MTDH: variants seen among roughly 807,000 people sequenced by gnomAD.
MTDH encodes the protein protein LYRIC.
A neutral mutation model predicts 72.7 loss-of-function variants in MTDH; 34 were observed. The ratio of observed to expected loss-of-function variants is 0.47; its 90% CI spans 0.36 to 0.62. The LOEUF is 0.62. Among genes scored for constraint, MTDH ranks in the 20% least tolerant of loss-of-function variants. The probability of loss-of-function intolerance (pLI) is 0.00; values close to 1 mark genes in which losing one functional copy is unlikely to be tolerated. For missense variants in MTDH, 677 were observed against 699.4 expected (o/e 0.97, Z 0.36); for synonymous variants, 266 against 268.9 (o/e 0.99, Z 0.10).
Position 97,644,432 on chromosome 8 carries a change from C to T in MTDH, c.-75C>T. ...CTGAGGTTACCCGGCCCGGCCCTTCCTCGCTTCCCTCGACTATTCCACTGC... is the reference window on the plus strand; with the variant it reads ...CTGAGGTTACCCGGCCCGGCCCTTCTTCGCTTCCCTCGACTATTCCACTGC... On this transcript the variant is annotated 5_prime_UTR_variant, in exon 1 of 12. Transcript: ENST00000336273. 2 of 1,492,478 alleles carry T rather than the reference C, an allele frequency of 1.3e-6. No individual in the cohort carries two copies. Among genetic ancestry groups the T allele is most frequent in the South Asian group, 1.2e-5 (1 of 80,072 alleles). 92.5% of individuals were successfully genotyped at this position (1,492,478 alleles called of 1,614,324 possible).
At chr8:97,718,112 C>G (rs1019881143) in intron 9 of MTDH, among the ~76,000 whole-genome samples, 1 of 150,586 alleles carries the variant, frequency 6.6e-6, no homozygotes, top group Non-Finnish European at 1.5e-5. Flanking sequence ...AGTGCAGTGG[C>G]GAGATCTGCA....
At chr8:97,683,430 C>T (rs1022779328) in intron 2 of MTDH, among the ~76,000 whole-genome samples, 6 of 151,910 alleles carry the variant, frequency 3.9e-5, no homozygotes, top group African/African-American at 1.2e-4. Flanking sequence ...GGGTCTCACC[C>T]CGTTACCCAG....
In MTDH at chr8:97,729,202, C is replaced by A. The variant is rs1298789815; in HGVS notation, c.*4532C>A. ...TTGGCCTCCCAAAGTGCTGGTGTTA[C>A]AGGTGTGAGCCACCACACCTGGCCA... On this transcript the variant is annotated 3_prime_UTR_variant, in exon 12 of 12. Transcript: ENST00000336273. Among the ~76,000 whole-genome samples the A allele has an allele frequency of 6.6e-6, 1 of 151,442 alleles. No individual in the cohort carries two copies. The highest frequency in any genetic ancestry group is 2.4e-5 in the African/African-American group (1 of 41,178).
intron 8 of MTDH, among the ~76,000 whole-genome samples, chr8:97,712,183 G>T (rs935558858): frequency 6.6e-6 from 1 of 152,010 alleles, no homozygotes; most frequent in Non-Finnish European, 1.5e-5. Context: ...GATTACAGGC[G>T]CATGCCACCA....
Position 97,661,170 on chromosome 8 carries a change from A to C in MTDH, c.480A>C (p.Glu160Asp), listed in dbSNP as rs763351626. The C allele has an allele frequency of 1.4e-5, 22 of 1,608,158 alleles. No individual in the cohort carries two copies. In the East Asian group the frequency reaches 4.2e-4, roughly 31 times the overall value. The change falls in exon 2 of 12, where the codon GAA becomes GAC. Residue 160 changes from glutamate to aspartate, a missense_variant. Physicochemically the swap from Glu to Asp is conservative, Grantham distance 45 (BLOSUM62 2). Around this residue, in one of 3 missense-constraint regions of MTDH, gnomAD observed 467 missense variants for 469.1 expected, o/e 1.00. Transcript: ENST00000336273. ...CACCAGAGATTGACAAGAAAAATGA[A>C]AAGGTAAGTTTGGGAGCATATGAAA... ...KQPPEIDKKN[E>D]KSKKNKKKSK... is the part of the protein sequence containing the mutation.
intron 8 of MTDH, among the ~76,000 whole-genome samples, chr8:97,712,072 C>T (rs952582081): frequency 3.3e-5 from 5 of 152,204 alleles, no homozygotes; most frequent in Admixed American, 6.5e-5. Context: ...GAGTCTTGCT[C>T]TGTTACCCAG....
At chr8:97,697,610 C>G (rs117943916) in intron 6 of MTDH, among the ~76,000 whole-genome samples, 1 of 152,050 alleles carries the variant, frequency 6.6e-6, no homozygotes, top group Non-Finnish European at 1.5e-5. Flanking sequence ...TGGTCTGCAT[C>G]TCTTTACCTC....
chr8:97,653,665 AGTGTACTATTTCTCAAGG>A (rs1811859167), intron 1 of MTDH, among the ~76,000 whole-genome samples: 1 of 152,216 alleles, frequency 6.6e-6, no homozygotes, highest in Admixed American at 6.5e-5. Flanking sequence ...ATTACTGGTT[AGTGTACTATTTCTCAAGG>A]CTGTAAAAGC....
At chr8:97,677,490 CAAAAA>C (rs934211630) in intron 2 of MTDH, among the ~76,000 whole-genome samples, 1 of 77,186 alleles carries the variant, frequency 1.3e-5, no homozygotes, top group Non-Finnish European at 2.8e-5. Context: ...GACTCCATCT[CAAAAA>C]AAAAAAAAAG....
Position 97,644,346 on chromosome 8 carries a change from C to T in MTDH, c.-161C>T. ...GAACCTGGGAGACCCCTCCGCCCTC[C>T]CCGCGGTGGCAGCGGCCGATCCCCG... On this transcript the variant is annotated 5_prime_UTR_variant, in exon 1 of 12. Transcript: ENST00000336273. 1 of 968,988 alleles carries T rather than the reference C, an allele frequency of 1.0e-6. No homozygotes were observed. Among genetic ancestry groups the T allele is most frequent in the Non-Finnish European group, 1.4e-6 (1 of 694,052 alleles). 60.0% of individuals were successfully genotyped at this position (968,988 alleles called of 1,614,324 possible).
At chr8:97,651,953 C>A (rs1397961770) in intron 1 of MTDH, among the ~76,000 whole-genome samples, 1 of 152,150 alleles carries the variant, frequency 6.6e-6, no homozygotes, top group Non-Finnish European at 1.5e-5. Context: ...TGATTCTAAT[C>A]TTTTTCTCAC....
intron 6 of MTDH, chr8:97,696,192 T>C (rs1813827528): frequency 1.0e-6 from 1 of 979,586 alleles, no homozygotes; most frequent in Non-Finnish European, 1.2e-6. Flanking sequence ...GTGATGTTTT[T>C]TATTTTAACA....
At chr8:97,668,846 C>T (rs978356528) in intron 2 of MTDH, among the ~76,000 whole-genome samples, 11 of 152,094 alleles carry the variant, frequency 7.2e-5, no homozygotes, top group Admixed American at 5.9e-4. Context: ...TGAGCCACCG[C>T]GCCCGGCCAT....
At chr8:97,702,463 A>G (rs1814171388) in intron 7 of MTDH, among the ~76,000 whole-genome samples, 1 of 152,318 alleles carries the variant, frequency 6.6e-6, no homozygotes, top group Admixed American at 6.5e-5. Flanking sequence ...AAATGAGTTA[A>G]TACATATAAA....
At chr8:97,687,301 C>A in intron 3 of MTDH, 128 bp from the exon 4 acceptor site, 1 of 706,250 alleles carries the variant, frequency 1.4e-6, no homozygotes, top group Non-Finnish European at 2.2e-6. Flanking sequence ...AATCAACACT[C>A]TTGGTTTTAG....
chr8:97,662,572 G>T (rs944730775), intron 2 of MTDH, among the ~76,000 whole-genome samples: 6 of 151,516 alleles, frequency 4.0e-5, no homozygotes, highest in African/African-American at 1.5e-4. Context: ...GATCGCCTGA[G>T]GTCAGGAATT....
Position 97,644,282 on chromosome 8 carries a change from C to T in MTDH, c.-225C>T, listed in dbSNP as rs1172401172. The T allele has an allele frequency of 7.1e-6, 4 of 562,218 alleles. No homozygotes were observed. The highest frequency in any genetic ancestry group is 2.0e-5 in the African/African-American group (1 of 49,792). 34.8% of individuals were successfully genotyped at this position (562,218 alleles called of 1,614,324 possible). A position where few individuals can be genotyped will look rare whatever the true frequency, so the allele number is the denominator to read the frequency against. On this transcript the variant is annotated 5_prime_UTR_variant, in exon 1 of 12. Transcript: ENST00000336273. ...ACTGGAGACACTCCCTCCCGCCTCC[C>T]GGGTCTCCTGGCGGCGGCGGAGTGA... is the stretch of plus-strand genomic sequence containing the variant.
At chr8:97,671,300 GAC>G (rs1485801542) in intron 2 of MTDH, among the ~76,000 whole-genome samples, 7 of 152,068 alleles carry the variant, frequency 4.6e-5, no homozygotes, top group Admixed American at 1.3e-4. Context: ...TTTGGGTTCG[GAC>G]ACAGATCCAA....
At chr8:97,697,289 C>T (rs1264350817) in intron 6 of MTDH, among the ~76,000 whole-genome samples, 2 of 149,188 alleles carry the variant, frequency 1.3e-5, no homozygotes, top group Admixed American at 1.3e-4. Flanking sequence ...CGTGCAGCCT[C>T]TATTGCAGTT....
Sources: gnomAD v4.1 joint callset for allele counts (sites outside exome capture counted in the v4.1 genomes callset) on GRCh38, gnomAD v4.1.1 for gene constraint, gnomAD v4.1.1 regional missense constraint, MANE v1.5 for transcripts, NCBI Gene and HGNC (gene_info 2026-07-23, HGNC 2026-07-21) for gene names.